FGF13: variants seen among roughly 807,000 people sequenced by gnomAD.
FGF13 encodes fibroblast growth factor homologous factor 2.
FGF13 carries 2 observed loss-of-function variants against 19.5 expected under a neutral mutation model. The observed-to-expected ratio is 0.10, with a 90% CI of 0.04 to 0.32. The LOEUF is 0.32. Among genes scored for constraint, FGF13 ranks in the 10% least tolerant of loss-of-function variants. The pLI is 1.00. For missense variants in FGF13, 113 were observed against 192.7 expected (o/e 0.59, Z 2.45); for synonymous variants, 72 against 76.9 (o/e 0.94, Z 0.33).
intron 1 of FGF13, among the ~76,000 whole-genome samples, chrX:138,957,958 A>G (rs2091849454): frequency 8.9e-6 from 1 of 112,165 alleles, no homozygotes; most frequent in Non-Finnish European, 1.9e-5. Flanking sequence ...ATATCCAATC[A>G]TGTCATCTGC....
At chrX:138,872,141 A>G (rs1459808732) in intron 1 of FGF13, among the ~76,000 whole-genome samples, 1 of 112,318 alleles carries the variant, frequency 8.9e-6, no homozygotes, top group Non-Finnish European at 1.9e-5. Context: ...CTAGGAATAT[A>G]AAACTCTGAT....
In FGF13 at chrX:138,846,185, TTGTG is replaced by T. The variant is rs200911113; in HGVS notation, c.217+11323_217+11326del. Among the ~76,000 whole-genome samples, 841 of 96,603 alleles carry T rather than the reference TTGTG, an allele frequency of 8.7e-3. 6 individuals carry two copies. The highest frequency in any genetic ancestry group is 0.02 in the African/African-American group (543 of 26,983). The allele number at this position is 96,603 out of a possible 115,157, so 83.9% of individuals were successfully genotyped here. A position where few individuals can be genotyped will look rare whatever the true frequency, so the allele number is the denominator to read the frequency against. The stretch of plus-strand genomic sequence containing the variant: ...ATTTTAAATAGTAATATGTGTCCAT[TTGTG>T]TGTGTGTGTGTGTGTGTGTGTGTGT... On this transcript the variant is annotated intron_variant, in intron 3 of 6. Transcript: ENST00000436198.
At chrX:139,060,224 TTTATA>T (rs776024657) in intron 1 of FGF13, among the ~76,000 whole-genome samples, 42 of 111,379 alleles carry the variant, frequency 3.8e-4, no homozygotes, top group African/African-American at 1.4e-3. Context: ...ATTATTTATA[TTTATA>T]TTATTGTTTA....
At chrX:138,954,537 G>T (rs2091831557) in intron 1 of FGF13, among the ~76,000 whole-genome samples, 1 of 111,308 alleles carries the variant, frequency 9.0e-6, no homozygotes, top group East Asian at 2.8e-4. Flanking sequence ...ATTGTCATAA[G>T]GATTATGGAA....
chrX:139,004,576 C>T (rs191215704), intron 1 of FGF13, among the ~76,000 whole-genome samples: 11 of 112,613 alleles, frequency 9.8e-5, no homozygotes, highest in Non-Finnish European at 2.1e-4. Context: ...ACTGCCAGCA[C>T]GCTGTCACGT....
At chrX:139,026,183 T>C (rs1045385562) in intron 1 of FGF13, among the ~76,000 whole-genome samples, 1 of 111,295 alleles carries the variant, frequency 9.0e-6, no homozygotes, top group African/African-American at 3.3e-5. Flanking sequence ...CAATAATATA[T>C]ATCTATTAAA....
chrX:138,972,515 C>T (rs2091922577), intron 1 of FGF13, among the ~76,000 whole-genome samples: 2 of 108,841 alleles, frequency 1.8e-5, no homozygotes, highest in Admixed American at 2.0e-4. Flanking sequence ...GGCCACCATG[C>T]CCGGCTAATT....
chrX:138,785,024 T>C (rs982428842), intron 3 of FGF13, among the ~76,000 whole-genome samples: 2 of 112,304 alleles, frequency 1.8e-5, no homozygotes, highest in African/African-American at 6.5e-5. Context: ...TTCCCTTTAA[T>C]GTTCACACTT....
chrX:138,754,027 A>G (rs2090416079), intron 3 of FGF13, among the ~76,000 whole-genome samples: 1 of 112,115 alleles, frequency 8.9e-6, no homozygotes, highest in Admixed American at 9.5e-5. Context: ...AAGGCCTCTG[A>G]TCATAGTGGT....
chrX:138,960,482 G>C (rs917471591), intron 1 of FGF13, among the ~76,000 whole-genome samples: 2 of 111,282 alleles, frequency 1.8e-5, no homozygotes, highest in Admixed American at 9.5e-5. Flanking sequence ...CCTTGGTGAA[G>C]CTGACAGTTA....
chrX:139,011,215 T>C (rs900771787), intron 1 of FGF13, among the ~76,000 whole-genome samples: 2 of 110,792 alleles, frequency 1.8e-5, no homozygotes, highest in Non-Finnish European at 3.8e-5. Flanking sequence ...AGCTGAATTC[T>C]ATCAGACATT....
At chrX:138,859,751 A>C (rs1207020707) in intron 2 of FGF13, among the ~76,000 whole-genome samples, 2 of 112,452 alleles carry the variant, frequency 1.8e-5, no homozygotes, top group Non-Finnish European at 3.8e-5. Context: ...CTACATGCTG[A>C]CTGATACAAG....
At chrX:139,032,663 A>G (rs1190715110) in intron 1 of FGF13, among the ~76,000 whole-genome samples, 1 of 111,015 alleles carries the variant, frequency 9.0e-6, no homozygotes. Flanking sequence ...GGAAGGCATC[A>G]ACCAAGTCAC....
Position 138,927,445 on chromosome X carries a change from T to C in FGF13, c.-112-62795A>G, listed in dbSNP as rs779235714. Among the ~76,000 whole-genome samples, 3 of 111,781 alleles carry C rather than the reference T, an allele frequency of 2.7e-5. No homozygotes were observed. In the East Asian group the frequency reaches 8.6e-4, roughly 32 times the overall value. On this transcript the variant is annotated intron_variant, in intron 1 of 2. Transcript: ENST00000421460. Reference sequence around the variant, plus strand: ...GACCACACTTCATTTTTAACAAGTTTCTCTCCTTGGCCCCATTTGCTTATT... The same window carrying C: ...GACCACACTTCATTTTTAACAAGTTCCTCTCCTTGGCCCCATTTGCTTATT...
chrX:138,881,054 T>C (rs2091421146), intron 1 of FGF13, among the ~76,000 whole-genome samples: 1 of 112,065 alleles, frequency 8.9e-6, no homozygotes, highest in African/African-American at 3.2e-5. Context: ...TTTCTATTCA[T>C]GAACACAGGA....
downstream of FGF13, among the ~76,000 whole-genome samples, chrX:138,855,904 CTTAT>C (rs1166558544): frequency 9.0e-6 from 1 of 110,516 alleles, no homozygotes; most frequent in Non-Finnish European, 1.9e-5. Context: ...TCTTAACTGG[CTTAT>C]TTTTCTTAAC....
intron 3 of FGF13, among the ~76,000 whole-genome samples, chrX:138,684,227 T>C (rs891171655): frequency 1.8e-5 from 2 of 111,839 alleles, no homozygotes; most frequent in African/African-American, 3.2e-5. Flanking sequence ...TTTAAGGTAA[T>C]TGATAACCTG....
chrX:139,183,808 C>T (rs1348202446), intron 1 of FGF13, among the ~76,000 whole-genome samples: 1 of 111,824 alleles, frequency 8.9e-6, no homozygotes, highest in African/African-American at 3.3e-5. Flanking sequence ...TATGGATCTA[C>T]TAGTCCTAAC....
chrX:138,920,388 A>T (rs17001844), intron 1 of FGF13, among the ~76,000 whole-genome samples: 1,294 of 111,185 alleles, frequency 0.012, 16 homozygotes, highest in African/African-American at 0.038. Context: ...GGCATATACT[A>T]TGAATGGAAT....
Sources: gnomAD v4.1 joint callset for allele counts (sites outside exome capture counted in the v4.1 genomes callset) on GRCh38, gnomAD v4.1.1 for gene constraint, MANE v1.5 for transcripts, NCBI Gene and HGNC (gene_info 2026-07-23, HGNC 2026-07-21) for gene names.